The following MINAR2 variants were observed in gnomAD, a reference collection of about 807,000 sequenced individuals.
The protein encoded by MINAR2 is major intrinsically disordered NOTCH2-binding receptor 1-like.
Under a neutral mutation model 16.1 loss-of-function variants are expected in MINAR2, and 21 were observed. The ratio of observed to expected loss-of-function variants is 1.31; its 90% CI spans 0.93 to 1.88. MINAR2 has a LOEUF of 1.88. MINAR2 is among the 40% of genes most tolerant of loss of function. MINAR2 has a pLI of 0.00. For missense variants in MINAR2, 259 were observed against 229.8 expected, an observed-to-expected ratio of 1.13 and a Z score of -0.82; for synonymous variants, 86 against 83.0, an observed-to-expected ratio of 1.04 and a Z score of -0.20.
chr5:129,765,299 C>T lies in MINAR2; in HGVS notation c.*236C>T. ...GAGTGCCACCCTGAACTTTGGGAAG[C>T]AGGAATTCTGAGGACCATAATCACA... On this transcript the variant is annotated 3_prime_UTR_variant, in exon 3 of 3. Coordinates refer to ENST00000564719, the MANE Select transcript of MINAR2 (RefSeq NM_001257308.2). The T allele has an allele frequency of 2.8e-6, 1 of 362,100 alleles. No homozygotes were observed. The highest frequency in any genetic ancestry group is 4.9e-6 in the Non-Finnish European group (1 of 203,728). 22.4% of individuals were successfully genotyped at this position (362,100 alleles called of 1,614,324 possible).
chr5:129,760,115 A>G (rs551394604), intron 1 of MINAR2, among the ~76,000 whole-genome samples: 2 of 152,310 alleles, frequency 1.3e-5, no homozygotes, highest in Non-Finnish European at 2.9e-5. Flanking sequence ...ATTAGAGAGT[A>G]AAGAAGGCTC....
intron 1 of MINAR2, among the ~76,000 whole-genome samples, chr5:129,749,494 A>G (rs1489039987): frequency 3.3e-5 from 5 of 152,126 alleles, no homozygotes; most frequent in Admixed American, 3.3e-4. Context: ...TTTTGCATCA[A>G]TCACTTTGGT....
intron 1 of MINAR2, among the ~76,000 whole-genome samples, chr5:129,752,948 A>G (rs74936979): frequency 0.035 from 5,266 of 152,160 alleles, 303 homozygotes; most frequent in African/African-American, 0.12. Context: ...GGGAAAGGCT[A>G]AGGGCGAGAG....
rs1758198452 is a variant in MINAR2, at chr5:129,765,336, A to G, written c.*273A>G. 1 of 309,652 alleles carries G rather than the reference A, an allele frequency of 3.2e-6. No homozygotes were observed. Among genetic ancestry groups the G allele is most frequent in the Non-Finnish European group, 5.9e-6 (1 of 170,802 alleles). 19.2% of individuals were successfully genotyped at this position (309,652 alleles called of 1,614,324 possible). ...GGACCATAATCACAGAATAGTCACT[A>G]TATGCAACCCACATTAAATATCTTT... On this transcript the variant is annotated 3_prime_UTR_variant, in exon 3 of 3. Coordinates refer to ENST00000564719, the MANE Select transcript of MINAR2 (RefSeq NM_001257308.2).
At position 129,766,020 on chromosome 5, in the gene MINAR2, G is replaced by A. The variant is rs1304888252; in HGVS notation, c.*957G>A. 3 of 152,190 alleles carry A rather than the reference G, an allele frequency of 2.0e-5. No homozygotes were observed. The highest frequency in any genetic ancestry group is 1.3e-4 in the Admixed American group (2 of 15,284). The allele number at this position is 152,190 out of a possible 1,614,324, so 9.4% of individuals were successfully genotyped here. A position where few individuals can be genotyped will look rare whatever the true frequency, so the allele number is the denominator to read the frequency against. On this transcript the variant is annotated 3_prime_UTR_variant, in exon 3 of 3. Transcript: ENST00000564719. ...CGAAATAAGCAGTTGCTTAATTAAAGGCAGTTGTTATTATTAATTTATGCT... is the reference window on the plus strand; with the variant it reads ...CGAAATAAGCAGTTGCTTAATTAAAAGCAGTTGTTATTATTAATTTATGCT...
chr5:129,763,644 A>T (rs1758168700), intron 2 of MINAR2, among the ~76,000 whole-genome samples: 1 of 152,182 alleles, frequency 6.6e-6, no homozygotes, highest in Non-Finnish European at 1.5e-5. Context: ...GGATTTTTAC[A>T]TCATTACCCT....
chr5:129,764,787 T>A, intron 2 of MINAR2, 97 bp from the exon 3 acceptor site: 1 of 596,688 alleles, frequency 1.7e-6, no homozygotes, highest in Non-Finnish European at 2.5e-6. Flanking sequence ...ATATGGACCA[T>A]CAGTCCCCAT....
intron 1 of MINAR2, among the ~76,000 whole-genome samples, chr5:129,750,795 G>A (rs984281944): frequency 1.3e-5 from 2 of 152,136 alleles, no homozygotes; most frequent in African/African-American, 2.4e-5. Flanking sequence ...GAGTGTATAT[G>A]TGTGCACGCA....
chr5:129,748,913 CT>C (rs1757952272), intron 1 of MINAR2, among the ~76,000 whole-genome samples: 1 of 152,162 alleles, frequency 6.6e-6, no homozygotes, highest in Non-Finnish European at 1.5e-5. Context: ...CTAGCTATTA[CT>C]GTAGATACTC....
At chr5:129,762,351 A>G (rs1260612209) in intron 2 of MINAR2, 2 of 169,176 alleles carry the variant, frequency 1.2e-5, no homozygotes, top group Non-Finnish European at 2.9e-5. Flanking sequence ...ATTGGAAAAA[A>G]TGGTAACACA....
intron 1 of MINAR2, among the ~76,000 whole-genome samples, chr5:129,759,780 T>C (rs1327521766): frequency 6.6e-6 from 1 of 151,964 alleles, no homozygotes; most frequent in African/African-American, 2.4e-5. Flanking sequence ...ATGCTTCAAT[T>C]TGAAAAGTTT....
At position 129,760,415 on chromosome 5, in the gene MINAR2, G is replaced by A; in HGVS notation, c.203G>A (p.Gly68Glu). ...KKNIAAQRIR[G>E]SSADSLVTAD... ...AATATTGCTGCTCAACGAATTAGGG[G>A]ATCCAGTGCAGACAGCCTTGTCACT... Residue 68 changes from glycine to glutamate, a missense_variant, in exon 2 of 3, where the codon GGA (glycine) becomes GAA (glutamate). Transcript: ENST00000564719. 1 of 1,535,684 alleles carries A rather than the reference G, an allele frequency of 6.5e-7. No homozygotes were observed. The highest frequency in any genetic ancestry group is 8.7e-7 in the Non-Finnish European group (1 of 1,146,558).
At chr5:129,755,255 A>G (rs1758040771) in intron 1 of MINAR2, among the ~76,000 whole-genome samples, 1 of 152,086 alleles carries the variant, frequency 6.6e-6, no homozygotes, top group Non-Finnish European at 1.5e-5. Flanking sequence ...GCAATATTGC[A>G]TTTATAATTT....
chr5:129,756,555 A>G (rs1335295239), intron 1 of MINAR2, among the ~76,000 whole-genome samples: 2 of 152,062 alleles, frequency 1.3e-5, no homozygotes, highest in Admixed American at 6.6e-5. Flanking sequence ...GCTCCCACAT[A>G]TCAGTGAGAA....
chr5:129,748,415 C>G (rs1459209772), intron 1 of MINAR2, 60 bp downstream of exon 1: 1 of 1,478,008 alleles, frequency 6.8e-7, no homozygotes, highest in Admixed American at 2.1e-5. Flanking sequence ...CGCTATCTGC[C>G]ATTTCACCAT....
intron 1 of MINAR2, 142 bp from the exon 2 acceptor site, chr5:129,760,236 C>G (rs1581292667): frequency 1.5e-6 from 1 of 659,464 alleles, no homozygotes; most frequent in East Asian, 2.7e-5. Flanking sequence ...AAACGAAACC[C>G]TAGAATCCTT....
At chr5:129,760,658 T>C in intron 2 of MINAR2, 53 bp downstream of exon 2, 1 of 1,337,112 alleles carries the variant, frequency 7.5e-7, no homozygotes, top group Non-Finnish European at 1.0e-6. Context: ...ATCAGTCAAA[T>C]AATCCTAAAA....
At chr5:129,762,002 T>C (rs1358961719) in intron 2 of MINAR2, among the ~76,000 whole-genome samples, 1 of 151,492 alleles carries the variant, frequency 6.6e-6, no homozygotes, top group Non-Finnish European at 1.5e-5. Flanking sequence ...CAACACACGC[T>C]GGGGCCTGTG....
intron 1 of MINAR2, among the ~76,000 whole-genome samples, chr5:129,756,600 T>A (rs1227051996): frequency 6.6e-6 from 1 of 152,066 alleles, no homozygotes; most frequent in Non-Finnish European, 1.5e-5. Context: ...CTGAGTTACT[T>A]CACTTAGAAT....
Sources: gnomAD v4.1 joint callset for allele counts (sites outside exome capture counted in the v4.1 genomes callset) on GRCh38, gnomAD v4.1.1 for gene constraint, MANE v1.5 for transcripts, NCBI Gene and HGNC (gene_info 2026-07-23, HGNC 2026-07-21) for gene names.